Variants in C12orf56 observed in about 807,000 individuals in gnomAD.
The protein encoded by C12orf56 is chromosome 12 open reading frame 56.
Under a neutral mutation model 69.9 loss-of-function variants are expected in C12orf56, and 71 were observed. The ratio of observed to expected loss-of-function variants is 1.02; its 90% CI spans 0.84 to 1.24. The LOEUF is 1.24. C12orf56 is among the 50% of genes most tolerant of loss of function. The pLI, the probability that C12orf56 is intolerant of heterozygous loss-of-function variation, is 0.00. For synonymous variants in C12orf56, 276 were observed against 274.1 expected (o/e 1.01, Z -0.07); for missense variants, 732 against 738.5 (o/e 0.99, Z 0.10).
Position 64,390,703 on chromosome 12 carries a change from C to G in C12orf56, c.-138G>C. On this transcript the variant is annotated 5_prime_UTR_variant, in exon 1 of 13. Transcript: ENST00000543942. ...CCTCTCCAGGCGCGGGGACCCGGGCCGCAACTGCAGGAATCGACGCTAGGT... is the reference window on the plus strand; with the variant it reads ...CCTCTCCAGGCGCGGGGACCCGGGCGGCAACTGCAGGAATCGACGCTAGGT... 2 of 1,251,238 alleles carry G rather than the reference C, an allele frequency of 1.6e-6. No homozygotes were observed. The highest frequency in any genetic ancestry group is 2.9e-4 in the Middle Eastern group (1 of 3,416). The allele number at this position is 1,251,238 out of a possible 1,614,324, so 77.5% of individuals were successfully genotyped here. A position where few individuals can be genotyped will look rare whatever the true frequency, so the allele number is the denominator to read the frequency against.
intron 2 of C12orf56, among the ~76,000 whole-genome samples, chr12:64,335,075 T>C (rs2038976618): frequency 6.6e-6 from 1 of 152,158 alleles, no homozygotes; most frequent in African/African-American, 2.4e-5. Context: ...AATGCTGTTC[T>C]AGAATGTACC....
intron 2 of C12orf56, among the ~76,000 whole-genome samples, chr12:64,335,393 G>T (rs573992311): frequency 1.2e-4 from 17 of 141,564 alleles, no homozygotes; most frequent in African/African-American, 4.5e-4. Context: ...CTCCAGCCTG[G>T]GTGACAGAGT....
chr12:64,305,598 G>A (rs771320177), intron 5 of C12orf56, among the ~76,000 whole-genome samples: 2 of 152,100 alleles, frequency 1.3e-5, no homozygotes, highest in African/African-American at 2.4e-5. Context: ...GGCTGGGCTG[G>A]TCTCAAACTC....
chr12:64,323,295 G>T (rs1372057849), intron 3 of C12orf56, among the ~76,000 whole-genome samples: 1 of 152,098 alleles, frequency 6.6e-6, no homozygotes. Flanking sequence ...GCTTTACTGA[G>T]TTTGCTCACC....
chr12:64,314,330 C>T (rs144961276), intron 4 of C12orf56, among the ~76,000 whole-genome samples: 41 of 152,116 alleles, frequency 2.7e-4, no homozygotes, highest in Admixed American at 9.2e-4. Flanking sequence ...TGGCCTCAAG[C>T]GATCCTCCCC....
At chr12:64,299,988 G>A (rs2038423146) in intron 6 of C12orf56, among the ~76,000 whole-genome samples, 1 of 152,072 alleles carries the variant, frequency 6.6e-6, no homozygotes, top group Non-Finnish European at 1.5e-5. Flanking sequence ...GCTAGTGTCT[G>A]CTGTATTGAA....
intron 4 of C12orf56, 81 bp from the exon 5 acceptor site, chr12:64,312,833 A>G (rs368568314): frequency 1.9e-6 from 2 of 1,034,548 alleles, no homozygotes; most frequent in Non-Finnish European, 1.4e-6. Flanking sequence ...AATGTTATGT[A>G]TCTATTCTTT....
At chr12:64,307,616 G>A (rs185934831) in intron 5 of C12orf56, among the ~76,000 whole-genome samples, 130 of 151,844 alleles carry the variant, frequency 8.6e-4, no homozygotes, top group African/African-American at 3.0e-3. Context: ...CGATCTGCCC[G>A]CCTCAGCCTC....
intron 1 of C12orf56, among the ~76,000 whole-genome samples, chr12:64,354,602 C>A (rs566595714): frequency 1.3e-5 from 2 of 151,860 alleles, no homozygotes; most frequent in African/African-American, 4.8e-5. Context: ...GGATTACAAG[C>A]GCCTGCCACC....
rs1042441929 is a variant in C12orf56, at chr12:64,382,934, G to A, written c.252+7380C>T. On this transcript the variant is annotated intron_variant, in intron 1 of 12. Transcript: ENST00000543942. ...AGATCCGACCTAACCAACTCCATCT[G>A]GCTTCTAACTTCCAAGCAATCCTTG... Among the ~76,000 whole-genome samples the A allele has an allele frequency of 3.3e-5, 5 of 151,706 alleles. No individual in the cohort carries two copies. In the South Asian group the frequency reaches 8.3e-4, roughly 25 times the overall value.
At chr12:64,379,577 C>T (rs936019067) in intron 1 of C12orf56, among the ~76,000 whole-genome samples, 6 of 151,782 alleles carry the variant, frequency 4.0e-5, no homozygotes, top group South Asian at 2.1e-4. Context: ...TGAGCCACCG[C>T]GCCCAGCCTG....
At chr12:64,334,066 G>A (rs936528053) in intron 2 of C12orf56, among the ~76,000 whole-genome samples, 3 of 152,208 alleles carry the variant, frequency 2.0e-5, no homozygotes, top group African/African-American at 7.2e-5. Flanking sequence ...AATTCCTTCA[G>A]TCATTTAGCA....
In C12orf56 at chr12:64,318,945, G is replaced by A; in HGVS notation, c.524C>T (p.Ser175Leu). 6.5e-7 allele frequency: 1 copy of A among 1,531,818 alleles called. No individual in the cohort carries two copies. The highest frequency in any genetic ancestry group is 8.7e-7 in the Non-Finnish European group (1 of 1,144,286). 94.9% of individuals were successfully genotyped at this position (1,531,818 alleles called of 1,614,324 possible). A position where few individuals can be genotyped will look rare whatever the true frequency, so the allele number is the denominator to read the frequency against. Reference sequence around the variant, plus strand: ...GAGGCCTGGACGAGGACAGAGAGTTGAGTCCTTGGATGGTGTACTGCTCTC... The same window carrying A: ...GAGGCCTGGACGAGGACAGAGAGTTAAGTCCTTGGATGGTGTACTGCTCTC... Reference protein sequence around the residue: ...QQESSTPSKDSTLCPRPGLKK... With the variant: ...QQESSTPSKDLTLCPRPGLKK... Residue 175 changes from serine to leucine, a missense_variant, in exon 4 of 13, where the codon TCA (serine) becomes TTA (leucine). By Grantham distance (145) the Ser-to-Leu change is moderately radical (BLOSUM62 -2). Coordinates refer to ENST00000543942, the MANE Select transcript of C12orf56 (RefSeq NM_001170633.2).
intron 3 of C12orf56, among the ~76,000 whole-genome samples, chr12:64,321,424 C>T (rs2038771048): frequency 6.6e-6 from 1 of 152,156 alleles, no homozygotes; most frequent in Non-Finnish European, 1.5e-5. Context: ...ATCCTCCTGC[C>T]TCAGTCTCCC....
chr12:64,332,387 C>T (rs1592461499), intron 2 of C12orf56, among the ~76,000 whole-genome samples: 1 of 151,138 alleles, frequency 6.6e-6, no homozygotes, highest in Admixed American at 6.6e-5. Context: ...AAAATGTGTT[C>T]ACATGGCCAA....
chr12:64,342,482 G>A (rs1476199488), intron 2 of C12orf56, among the ~76,000 whole-genome samples: 2 of 152,206 alleles, frequency 1.3e-5, no homozygotes, highest in Non-Finnish European at 1.5e-5. Flanking sequence ...GGAACTCCCC[G>A]TGAGGCCAGT....
intron 1 of C12orf56, among the ~76,000 whole-genome samples, chr12:64,373,323 G>A (rs1166337160): frequency 6.6e-6 from 1 of 152,104 alleles, no homozygotes; most frequent in African/African-American, 2.4e-5. Flanking sequence ...GGGTGTGGTG[G>A]CATGTACTTG....
chr12:64,299,738 A>T (rs145793434), intron 6 of C12orf56, among the ~76,000 whole-genome samples: 85 of 152,266 alleles, frequency 5.6e-4, no homozygotes, highest in Admixed American at 1.1e-3. Context: ...CGATGGTAGA[A>T]ACTGTATCAT....
intron 6 of C12orf56, among the ~76,000 whole-genome samples, chr12:64,298,691 A>G (rs1441911170): frequency 6.6e-6 from 1 of 152,158 alleles, no homozygotes. Context: ...AGATGGTTGT[A>G]GATGTGTGGT....
Sources: gnomAD v4.1 joint callset for allele counts (sites outside exome capture counted in the v4.1 genomes callset) on GRCh38, gnomAD v4.1.1 for gene constraint, MANE v1.5 for transcripts, NCBI Gene and HGNC (gene_info 2026-07-23, HGNC 2026-07-21) for gene names.